Variants in VTCN1 observed in about 807,000 individuals in gnomAD.
VTCN1 encodes the protein V-set domain-containing T-cell activation inhibitor 1.
In VTCN1, 26 loss-of-function variants were observed where a neutral mutation model predicts 26.5. The observed-to-expected ratio is 0.98, with a 90% CI of 0.72 to 1.36. The LOEUF (loss-of-function observed/expected upper bound fraction) is 1.36, where lower values mean the gene tolerates loss of function less well. VTCN1 is among the 40% of genes most tolerant of loss of function. VTCN1 has a pLI of 0.00. For missense variants in VTCN1, 298 were observed against 337.7 expected (o/e 0.88, Z 0.92); for synonymous variants, 116 against 130.7 (o/e 0.89, Z 0.77).
intron 2 of VTCN1, 187 bp from the exon 3 acceptor site, chr1:117,157,108 T>C (rs1274768918): frequency 1.5e-6 from 1 of 684,116 alleles, no homozygotes; most frequent in Non-Finnish European, 2.2e-6. Context: ...TATATATATA[T>C]ATATATAGCA....
chr1:117,160,377 T>C (rs1035139115), intron 2 of VTCN1, among the ~76,000 whole-genome samples: 2 of 152,246 alleles, frequency 1.3e-5, no homozygotes, highest in African/African-American at 4.8e-5. Flanking sequence ...AGCTTCTTTA[T>C]TGGTATTTCT....
chr1:117,189,999 C>A (rs1485747734), intron 1 of VTCN1, among the ~76,000 whole-genome samples: 3 of 152,180 alleles, frequency 2.0e-5, no homozygotes, highest in African/African-American at 7.2e-5. Context: ...CAGCTACAAC[C>A]CCATTTGGTC....
At position 117,201,973 on chromosome 1, in the gene VTCN1, G is replaced by A. The variant is rs376112615; in HGVS notation, c.32+8851C>T. Among the ~76,000 whole-genome samples the A allele has an allele frequency of 1.8e-4, 28 of 152,278 alleles. No homozygotes were observed. In the South Asian group the frequency reaches 5.2e-3, roughly 28 times the overall value. ...TCATCTAACTCTCTCCTGCCTCAGG[G>A]CTTTCCACCAGGACCTGTCTGGAAA... On this transcript the variant is annotated intron_variant, in intron 1 of 5. Coordinates refer to ENST00000369458, the MANE Select transcript of VTCN1 (RefSeq NM_024626.4).
At chr1:117,151,465 T>C (rs1651791643) in intron 4 of VTCN1, among the ~76,000 whole-genome samples, 1 of 152,254 alleles carries the variant, frequency 6.6e-6, no homozygotes, top group South Asian at 2.1e-4. Flanking sequence ...ACAGCAGCCC[T>C]ACCGGGTTGC....
rs940347288 is a variant in VTCN1, at chr1:117,153,871, G to A, written c.446-502C>T. Among the ~76,000 whole-genome samples, 7 of 152,194 alleles carry A rather than the reference G, an allele frequency of 4.6e-5. No individual in the cohort carries two copies. The East Asian group carries it at 1.2e-3, about 25-fold the overall frequency. ...AGCTTTGTCATCACAGGGATTTGGAGTTTGCTTGGGTAGAGATTGTCCAGC... is the reference window on the plus strand; with the variant it reads ...AGCTTTGTCATCACAGGGATTTGGAATTTGCTTGGGTAGAGATTGTCCAGC... On this transcript the variant is annotated intron_variant, in intron 3 of 5. Coordinates refer to ENST00000369458, the MANE Select transcript of VTCN1 (RefSeq NM_024626.4).
chr1:117,163,138 C>G (rs1195130264), intron 2 of VTCN1, among the ~76,000 whole-genome samples: 2 of 152,138 alleles, frequency 1.3e-5, no homozygotes, highest in African/African-American at 4.8e-5. Context: ...GTGGGGAGAA[C>G]AGTTGCTTCC....
intron 1 of VTCN1, among the ~76,000 whole-genome samples, chr1:117,178,774 A>G (rs1647520094): frequency 6.6e-6 from 1 of 151,670 alleles, no homozygotes; most frequent in African/African-American, 2.4e-5. Context: ...TATTTCATGT[A>G]GAGACAGGGT....
intron 1 of VTCN1, among the ~76,000 whole-genome samples, chr1:117,180,315 T>C (rs1647612026): frequency 6.6e-6 from 1 of 152,208 alleles, no homozygotes; most frequent in African/African-American, 2.4e-5. Flanking sequence ...TAAGCATGTA[T>C]TAGCATTTCT....
chr1:117,207,177 G>T (rs913131174), intron 1 of VTCN1, among the ~76,000 whole-genome samples: 7 of 152,162 alleles, frequency 4.6e-5, no homozygotes, highest in African/African-American at 1.7e-4. Context: ...AACTCCCTGA[G>T]CCTCCTTGTC....
chr1:117,186,387 G>A (rs531624167), intron 1 of VTCN1, among the ~76,000 whole-genome samples: 3 of 152,326 alleles, frequency 2.0e-5, no homozygotes, highest in South Asian at 2.1e-4. Context: ...CAAATGAAGC[G>A]TCTTCAAGAT....
intron 3 of VTCN1, 75 bp downstream of exon 3, chr1:117,156,499 T>G: frequency 7.1e-7 from 1 of 1,408,280 alleles, no homozygotes; most frequent in Non-Finnish European, 9.5e-7. Flanking sequence ...CACAACATAT[T>G]TCATAAGCAA....
Position 117,167,445 on chromosome 1 carries a change from T to G in VTCN1, c.97+2662A>C, listed in dbSNP as rs114667304. 0.028 allele frequency among the ~76,000 whole-genome samples: 4,202 copies of G among 152,316 alleles called. 97 individuals carry two copies. The highest frequency in any genetic ancestry group is 0.037 in the Non-Finnish European group (2,506 of 68,024). ...TGCCTGTTTTTGAACTTCATATGCA[T>G]AGAATCATACAGAACTTACTCTTTT... On this transcript the variant is annotated intron_variant, in intron 2 of 5. Transcript: ENST00000369458. This position sits in a 1 kb window ranked among gnomAD's most constrained non-coding sequence, Gnocchi z 4.1.
At chr1:117,171,904 G>T (rs1479286100) in intron 1 of VTCN1, among the ~76,000 whole-genome samples, 1 of 152,124 alleles carries the variant, frequency 6.6e-6, no homozygotes, top group East Asian at 1.9e-4. Context: ...CCGATGGGGC[G>T]TGTCCCTTTT....
intron 2 of VTCN1, among the ~76,000 whole-genome samples, chr1:117,164,975 T>C (rs544219063): frequency 6.6e-6 from 1 of 152,364 alleles, no homozygotes; most frequent in African/African-American, 2.4e-5. Context: ...GAAGGTGGCA[T>C]ATACAGCATC....
intron 4 of VTCN1, among the ~76,000 whole-genome samples, chr1:117,149,216 C>CCA (rs1651667858): frequency 6.6e-6 from 1 of 152,002 alleles, no homozygotes; most frequent in Non-Finnish European, 1.5e-5. Context: ...CCTGGGTACA[C>CCA]TATGGGCATT....
At chr1:117,172,970 C>T (rs1021279592) in intron 1 of VTCN1, among the ~76,000 whole-genome samples, 3 of 152,198 alleles carry the variant, frequency 2.0e-5, no homozygotes, top group Non-Finnish European at 2.9e-5. Context: ...CTCCGGTCCC[C>T]TTCCATGCTG....
rs763241922 is a variant in VTCN1, at chr1:117,146,539, T to C, written c.*45+1074A>G. On this transcript the variant is annotated intron_variant, in intron 5 of 5. Coordinates refer to ENST00000369458, the MANE Select transcript of VTCN1 (RefSeq NM_024626.4). This position sits in a 1 kb window ranked among gnomAD's most constrained non-coding sequence, Gnocchi z 4.2. The stretch of plus-strand genomic sequence containing the variant: ...CAAAGACTCTTGGGGAGGTGGGATA[T>C]AAGCTAGGAAGCATTTTCCTAAAAT... Among the ~76,000 whole-genome samples, 1 of 152,150 alleles carries C rather than the reference T, an allele frequency of 6.6e-6. No homozygotes were observed. The highest frequency in any genetic ancestry group is 1.5e-5 in the Non-Finnish European group (1 of 68,026).
chr1:117,178,097 G>A (rs1238383692), intron 1 of VTCN1, among the ~76,000 whole-genome samples: 1 of 151,264 alleles, frequency 6.6e-6, no homozygotes, highest in East Asian at 1.9e-4. Context: ...ACACCACCCA[G>A]CTAATTAAAA....
At chr1:117,156,278 T>C (rs1652063531) in intron 3 of VTCN1, among the ~76,000 whole-genome samples, 1 of 152,184 alleles carries the variant, frequency 6.6e-6, no homozygotes. Context: ...CTGCTCTTAT[T>C]AGCTGTACCA....
Sources: allele counts gnomAD v4.1 joint callset (sites outside exome capture counted in the v4.1 genomes callset), GRCh38; gene constraint gnomAD v4.1.1; non-coding constraint Gnocchi (gnomAD v3.1); transcripts MANE v1.5; gene names NCBI Gene and HGNC (gene_info 2026-07-23, HGNC 2026-07-21).